FSTL4: variants seen among roughly 807,000 people sequenced by gnomAD.
FSTL4 encodes the protein follistatin-related protein 4.
Under a neutral mutation model 78.2 loss-of-function variants are expected in FSTL4, and 28 were observed. That is an observed-to-expected ratio of 0.36 (90% CI 0.27 to 0.49). The LOEUF (loss-of-function observed/expected upper bound fraction) is 0.49. Ranked by LOEUF, FSTL4 falls within the 20% of genes least tolerant of loss-of-function variation. The probability of loss-of-function intolerance (pLI) is 0.98; values close to 1 mark genes in which losing one functional copy is unlikely to be tolerated. For synonymous variants in FSTL4, 422 were observed against 440.5 expected (o/e 0.96, Z 0.53); for missense variants, 922 against 1,084.9 (o/e 0.85, Z 2.11).
chr5:133,840,051 C>T, the FSTL4 span, among the ~76,000 whole-genome samples: 2 of 152,130 alleles, frequency 1.3e-5, no homozygotes, highest in Non-Finnish European at 2.9e-5. Flanking sequence ...GAGTAAGAAA[C>T]AAGGAGAAAG....
chr5:133,755,500 C>T, the FSTL4 span, among the ~76,000 whole-genome samples: 1 of 152,082 alleles, frequency 6.6e-6, no homozygotes, highest in African/African-American at 2.4e-5. Context: ...TTCCATCAGA[C>T]CCTCACATCC....
intron 4 of FSTL4, among the ~76,000 whole-genome samples, chr5:133,385,056 C>T (rs369416667): frequency 5.9e-5 from 9 of 152,186 alleles, no homozygotes; most frequent in East Asian, 1.9e-4. Flanking sequence ...GCTCCGTTGT[C>T]GCGCTCCCCA....
At chr5:133,363,646 G>T (rs1580650655) in intron 4 of FSTL4, among the ~76,000 whole-genome samples, 1 of 152,208 alleles carries the variant, frequency 6.6e-6, no homozygotes, top group South Asian at 2.1e-4. Context: ...GGCCAACAAG[G>T]CTGCTCCTGA....
chr5:133,407,968 G>C (rs1374056638), intron 3 of FSTL4, among the ~76,000 whole-genome samples: 1 of 152,184 alleles, frequency 6.6e-6, no homozygotes, highest in Non-Finnish European at 1.5e-5. Context: ...AAGAAGGTTG[G>C]GATGAGATGC....
At chr5:133,482,047 G>A (rs10067639) in intron 3 of FSTL4, among the ~76,000 whole-genome samples, 3,275 of 152,316 alleles carry the variant, frequency 0.022, 120 homozygotes, top group African/African-American at 0.073. Context: ...GCGGTCTGGC[G>A]ATGTCTGCCT....
chr5:133,502,650 C>G (rs1361644353), intron 3 of FSTL4, among the ~76,000 whole-genome samples: 1 of 152,114 alleles, frequency 6.6e-6, no homozygotes, highest in Non-Finnish European at 1.5e-5. Flanking sequence ...AGCACCTTCT[C>G]CCTCCCTCTC....
chr5:133,724,838 A>G, the FSTL4 span, among the ~76,000 whole-genome samples: 1 of 152,128 alleles, frequency 6.6e-6, no homozygotes, highest in Non-Finnish European at 1.5e-5. Context: ...TGGAGGTTTT[A>G]TAGTTTTAGC....
intron 2 of FSTL4, among the ~76,000 whole-genome samples, chr5:133,596,348 G>A (rs1760737529): frequency 6.6e-6 from 1 of 152,228 alleles, no homozygotes; most frequent in African/African-American, 2.4e-5. Context: ...AGGTGGGGAG[G>A]CGCTTCTGTC....
At position 133,435,173 on chromosome 5, in the gene FSTL4, A is replaced by G. The variant is rs553101887; in HGVS notation, c.161-34187T>C. On this transcript the variant is annotated intron_variant, in intron 3 of 15. Transcript: ENST00000265342. ...AAGCCCCACTCACCTTAGTAAAAGT[A>G]CAAAAATATCTGCTCATATTTATTT... 5.9e-5 allele frequency among the ~76,000 whole-genome samples: 9 copies of G among 152,360 alleles called. No individual in the cohort carries two copies. In the East Asian group the frequency reaches 1.5e-3, roughly 26 times the overall value.
chr5:133,221,156 T>A (rs1751089289), intron 11 of FSTL4, among the ~76,000 whole-genome samples: 1 of 152,236 alleles, frequency 6.6e-6, no homozygotes, highest in South Asian at 2.1e-4. Flanking sequence ...TTGGCTTTGA[T>A]GTACATTTGA....
chr5:133,486,018 A>G (rs1240762653), intron 3 of FSTL4, among the ~76,000 whole-genome samples: 1 of 152,228 alleles, frequency 6.6e-6, no homozygotes, highest in South Asian at 2.1e-4. Flanking sequence ...ACAAAGGCCC[A>G]GCTCCTGGGG....
chr5:133,582,017 G>A (rs1760424370), intron 2 of FSTL4, among the ~76,000 whole-genome samples: 1 of 152,188 alleles, frequency 6.6e-6, no homozygotes, highest in Non-Finnish European at 1.5e-5. Flanking sequence ...CGTAACAGAG[G>A]GTATCAGCTG....
chr5:133,498,909 G>A (rs1758428527), intron 3 of FSTL4, among the ~76,000 whole-genome samples: 1 of 151,800 alleles, frequency 6.6e-6, no homozygotes, highest in Non-Finnish European at 1.5e-5. Flanking sequence ...ATGGGAGTAG[G>A]AACAGACACA....
intron 7 of FSTL4, among the ~76,000 whole-genome samples, chr5:133,245,873 T>A (rs1184993300): frequency 6.6e-6 from 1 of 152,242 alleles, no homozygotes; most frequent in Non-Finnish European, 1.5e-5. Context: ...GCATGCTTGA[T>A]GTTTGCAAGT....
At chr5:133,576,278 G>C (rs568586372) in intron 2 of FSTL4, among the ~76,000 whole-genome samples, 13 of 152,306 alleles carry the variant, frequency 8.5e-5, no homozygotes, top group Admixed American at 8.5e-4. Context: ...TCTGGAAAAG[G>C]ATGGTGAGGC....
At chr5:133,818,232 C>T in the FSTL4 span, among the ~76,000 whole-genome samples, 3 of 152,298 alleles carry the variant, frequency 2.0e-5, no homozygotes, top group South Asian at 2.1e-4. Flanking sequence ...AACAATGGGC[C>T]GTGGATTAAC....
chr5:133,731,876 C>T, the FSTL4 span, among the ~76,000 whole-genome samples: 1 of 152,140 alleles, frequency 6.6e-6, no homozygotes, highest in Non-Finnish European at 1.5e-5. Flanking sequence ...TTCTAATTAT[C>T]TCTAAAATTG....
At chr5:133,604,908 G>A (rs1408923343) in intron 1 of FSTL4, among the ~76,000 whole-genome samples, 1 of 152,106 alleles carries the variant, frequency 6.6e-6, no homozygotes, top group Non-Finnish European at 1.5e-5. Flanking sequence ...TGTTTCCTGA[G>A]GCTCACTTGA....
the FSTL4 span, among the ~76,000 whole-genome samples, chr5:133,633,293 T>C: frequency 6.6e-6 from 1 of 152,212 alleles, no homozygotes; most frequent in East Asian, 1.9e-4. Flanking sequence ...CACAGGTTCC[T>C]GAGACTCTGT....
Sources: allele counts gnomAD v4.1 joint callset (sites outside exome capture counted in the v4.1 genomes callset), GRCh38; gene constraint gnomAD v4.1.1; transcripts MANE v1.5; gene names NCBI Gene and HGNC (gene_info 2026-07-23, HGNC 2026-07-21).